Variants in EPB41 observed in about 807,000 individuals in gnomAD.
EPB41 encodes protein 4.1.
Under a neutral mutation model 108.0 loss-of-function variants are expected in EPB41, and 65 were observed. The ratio of observed to expected loss-of-function variants is 0.60; its 90% CI spans 0.49 to 0.74. EPB41 has a LOEUF of 0.74. EPB41 is among the 30% of genes least tolerant of loss of function. The pLI, the probability that EPB41 is intolerant of heterozygous loss-of-function variation, is 0.00. For missense variants in EPB41, 875 were observed against 1,037.0 expected, an observed-to-expected ratio of 0.84 and a Z score of 2.15; for synonymous variants, 336 against 358.9, an observed-to-expected ratio of 0.94 and a Z score of 0.72.
Position 29,004,134 on chromosome 1 carries a change from C to T in EPB41, c.786+6815C>T, listed in dbSNP as rs185196344. Among the ~76,000 whole-genome samples the T allele has an allele frequency of 3.0e-3, 463 of 152,302 alleles. 1 individual carries two copies. Among genetic ancestry groups the T allele is most frequent in the Non-Finnish European group, 5.1e-3 (350 of 68,034 alleles). On this transcript the variant is annotated intron_variant, in intron 4 of 20. Transcript: ENST00000343067. Reference sequence around the variant, plus strand: ...ATCAAAATTGTCAGTTAAATAGTTGCTTCCTATATTTTATTCCTGCTTATA... The same window carrying T: ...ATCAAAATTGTCAGTTAAATAGTTGTTTCCTATATTTTATTCCTGCTTATA...
At chr1:29,051,839 A>G (rs755439973) in intron 11 of EPB41, among the ~76,000 whole-genome samples, 9 of 151,774 alleles carry the variant, frequency 5.9e-5, no homozygotes, top group Non-Finnish European at 1.2e-4. Flanking sequence ...CGGAGATTCT[A>G]GTGAGCCGAG....
intron 12 of EPB41, chr1:29,053,570 A>T (rs998705848): frequency 7.8e-5 from 28 of 359,808 alleles, no homozygotes; most frequent in South Asian, 2.2e-4. Context: ...TTATTTATTT[A>T]TTTTTTTGAG....
In EPB41 at chr1:29,018,509, G is replaced by A. The variant is rs2096605122; in HGVS notation, c.1124+67G>A. On this transcript the variant is annotated intron_variant, in intron 7 of 20. Coordinates refer to ENST00000343067, the MANE Select transcript of EPB41 (RefSeq NM_001376013.1). This position sits in a 1 kb window ranked among gnomAD's most constrained non-coding sequence, Gnocchi z 4.4. The stretch of plus-strand genomic sequence containing the variant: ...ATTAGTTTAAACACAACATGGTATT[G>A]GTTCATTGTTTGCCTAAGAGGGATC... 2.0e-6 allele frequency: 3 copies of A among 1,472,888 alleles called. No individual in the cohort carries two copies. The highest frequency in any genetic ancestry group is 2.3e-5 in the South Asian group (2 of 87,788). The allele number at this position is 1,472,888 out of a possible 1,614,324, so 91.2% of individuals were successfully genotyped here.
intron 1 of EPB41, among the ~76,000 whole-genome samples, chr1:28,916,530 A>C (rs1389786951): frequency 6.6e-6 from 1 of 152,152 alleles, no homozygotes; most frequent in African/African-American, 2.4e-5. Context: ...CCACCTACTC[A>C]GTAGGTGGAG....
intron 1 of EPB41, 131 bp from the exon 2 acceptor site, chr1:28,987,300 T>G: frequency 1.3e-6 from 1 of 749,112 alleles, no homozygotes; most frequent in Admixed American, 2.5e-5. Context: ...AAGTCTCATG[T>G]TTAATGGGTT....
chr1:28,891,373 G>C (rs2090098038), intron 1 of EPB41, among the ~76,000 whole-genome samples: 1 of 152,182 alleles, frequency 6.6e-6, no homozygotes, highest in Non-Finnish European at 1.5e-5. Context: ...ACTGAGGTTG[G>C]AGAGGTTCAA....
At chr1:28,944,911 A>C (rs2094440263) in intron 1 of EPB41, among the ~76,000 whole-genome samples, 1 of 151,496 alleles carries the variant, frequency 6.6e-6, no homozygotes, top group African/African-American at 2.4e-5. Flanking sequence ...CAATGTAGCA[A>C]AACCCAATCT....
At chr1:29,060,297 C>T (rs1455084073) in intron 14 of EPB41, 125 bp from the exon 15 acceptor site, 4 of 721,908 alleles carry the variant, frequency 5.5e-6, no homozygotes, top group Non-Finnish European at 7.2e-6. Context: ...TTCATGTTGG[C>T]ATATGCTGCG....
chr1:29,047,253 C>CTTTTTTTT (rs755248112), intron 11 of EPB41, among the ~76,000 whole-genome samples: 23 of 100,528 alleles, frequency 2.3e-4, no homozygotes, highest in African/African-American at 9.1e-4. Flanking sequence ...TCTTTCTTTC[C>CTTTTTTTT]TTTTTTTTTT....
At chr1:28,933,106 CT>C (rs931628939) in intron 1 of EPB41, among the ~76,000 whole-genome samples, 7 of 151,506 alleles carry the variant, frequency 4.6e-5, no homozygotes, top group Non-Finnish European at 8.8e-5. Context: ...GTATTTTTTT[CT>C]TTAACATTTG....
upstream of EPB41, among the ~76,000 whole-genome samples, chr1:28,909,583 C>G (rs879348009): frequency 5.3e-5 from 8 of 152,140 alleles, no homozygotes; most frequent in Non-Finnish European, 1.2e-4. Flanking sequence ...ACTGCTTGAG[C>G]CCAGGAGTTC....
intron 1 of EPB41, among the ~76,000 whole-genome samples, chr1:28,933,038 AAT>A (rs1467899127): frequency 2.6e-5 from 4 of 152,190 alleles, no homozygotes; most frequent in Non-Finnish European, 5.9e-5. Context: ...ATTTGAGTTG[AAT>A]ATATTTGGTA....
chr1:28,887,180 G>A lies in EPB41; in HGVS notation c.-38G>A. The A allele has an allele frequency of 8.1e-7, 1 of 1,233,718 alleles. No individual in the cohort carries two copies. The highest frequency in any genetic ancestry group is 1.1e-6 in the Non-Finnish European group (1 of 939,228). The allele number at this position is 1,233,718 out of a possible 1,614,324, so 76.4% of individuals were successfully genotyped here. Reference sequence around the variant, plus strand: ...GAGAGCGGCGCGGAGCCAGAACGCGGTCGGCCCGGTCCCCGCCGCACCCAG... The same window carrying A: ...GAGAGCGGCGCGGAGCCAGAACGCGATCGGCCCGGTCCCCGCCGCACCCAG... On this transcript the variant is annotated 5_prime_UTR_variant, in exon 1 of 17. Coordinates refer to the EPB41 transcript ENST00000347529. This position sits in a 1 kb window ranked among gnomAD's most constrained non-coding sequence, Gnocchi z 4.9.
rs545701730 is a variant in EPB41 at position 28,949,421 on chromosome 1, C to CA, written c.-8+34654dup. On this transcript the variant is annotated intron_variant, in intron 1 of 20. Coordinates refer to ENST00000343067, the MANE Select transcript of EPB41 (RefSeq NM_001376013.1). ...CATCACTGCACTCCAGTATGAGTGA[C>CA]AGAGTGAGACCCTGTCTCAAAAAAA... Among the ~76,000 whole-genome samples, 144 of 152,134 alleles carry CA rather than the reference C, an allele frequency of 9.5e-4. 1 individual carries two copies. The highest frequency in any genetic ancestry group is 2.5e-3 in the African/African-American group (105 of 41,516).
intron 7 of EPB41, among the ~76,000 whole-genome samples, chr1:29,021,177 G>A (rs2096639841): frequency 6.6e-6 from 1 of 152,166 alleles, no homozygotes; most frequent in Non-Finnish European, 1.5e-5. Context: ...GGTTCTCAAA[G>A]GTGGTCTACA....
chr1:29,101,756 G>A (rs1431227218), intron 17 of EPB41, among the ~76,000 whole-genome samples: 5 of 152,164 alleles, frequency 3.3e-5, no homozygotes, highest in Admixed American at 3.3e-4. Flanking sequence ...GAAGCAATGA[G>A]CCAGGCGTGG....
At chr1:29,034,943 A>T (rs946306100) in intron 9 of EPB41, among the ~76,000 whole-genome samples, 1 of 147,640 alleles carries the variant, frequency 6.8e-6, no homozygotes, top group Non-Finnish European at 1.5e-5. Context: ...TTCACAATGT[A>T]TACGTGTTTC....
intron 16 of EPB41, chr1:29,065,996 A>G (rs1647466459): frequency 6.5e-6 from 1 of 154,338 alleles, no homozygotes; most frequent in African/African-American, 2.4e-5. Context: ...GAAAAGAAAA[A>G]TGATTTATTT....
At chr1:29,100,939 A>AT (rs1351239490) in intron 17 of EPB41, among the ~76,000 whole-genome samples, 2 of 150,654 alleles carry the variant, frequency 1.3e-5, no homozygotes, top group African/African-American at 4.9e-5. Context: ...AAAAAAAAAA[A>AT]GAGGGCCGGG....
Sources: allele counts gnomAD v4.1 joint callset (sites outside exome capture counted in the v4.1 genomes callset), GRCh38; gene constraint gnomAD v4.1.1; non-coding constraint Gnocchi (gnomAD v3.1); transcripts MANE v1.5; gene names NCBI Gene and HGNC (gene_info 2026-07-23, HGNC 2026-07-21).